Variants in PACSIN1 observed in about 807,000 individuals in gnomAD.
The protein encoded by PACSIN1 is protein kinase C and casein kinase substrate in neurons protein 1.
A neutral mutation model predicts 59.5 loss-of-function variants in PACSIN1; 15 were observed. The observed-to-expected ratio is 0.25, with a 90% CI of 0.17 to 0.39. The LOEUF is 0.39. Ranked by LOEUF, PACSIN1 falls within the 10% of genes least tolerant of loss-of-function variation. PACSIN1 has a pLI of 1.00. For synonymous variants in PACSIN1, 210 were observed against 220.6 expected (o/e 0.95, Z 0.42); for missense variants, 420 against 580.2 (o/e 0.72, Z 2.84).
intron 1 of PACSIN1, among the ~76,000 whole-genome samples, chr6:34,475,314 A>AT (rs1463510973): frequency 6.6e-6 from 1 of 151,894 alleles, no homozygotes; most frequent in Non-Finnish European, 1.5e-5. Flanking sequence ...ATTAAAAAAA[A>AT]AATTAAAAAA....
intron 1 of PACSIN1, among the ~76,000 whole-genome samples, chr6:34,506,861 T>C (rs1407468343): frequency 6.6e-6 from 1 of 152,172 alleles, no homozygotes; most frequent in Non-Finnish European, 1.5e-5. Flanking sequence ...ACCTTGTTAT[T>C]GCTGGGTGCA....
At position 34,534,561 on chromosome 6, in the gene PACSIN1, T is replaced by A. The variant is rs1279675612; in HGVS notation, c.*2031T>A. The A allele has an allele frequency of 1.3e-5, 2 of 152,792 alleles. No individual in the cohort carries two copies. The highest frequency in any genetic ancestry group is 3.9e-4 in the East Asian group (2 of 5,184). The allele number at this position is 152,792 out of a possible 1,614,324, so 9.5% of individuals were successfully genotyped here. On this transcript the variant is annotated 3_prime_UTR_variant, in exon 10 of 10. Transcript: ENST00000244458. ...CCTTGGAAAGGTGGGAAGCTGGCAATCTGCACCTTGGGGCCTGGGCTCCCC... is the reference window on the plus strand; with the variant it reads ...CCTTGGAAAGGTGGGAAGCTGGCAAACTGCACCTTGGGGCCTGGGCTCCCC...
At chr6:34,502,628 G>A (rs908122881) in intron 1 of PACSIN1, among the ~76,000 whole-genome samples, 17 of 151,650 alleles carry the variant, frequency 1.1e-4, no homozygotes, top group African/African-American at 3.2e-4. Flanking sequence ...ATGACACCCC[G>A]CTAATTTTTT....
chr6:34,519,712 GGGGGTAGGTGCTATCCCAT>G (rs913235057), intron 1 of PACSIN1, among the ~76,000 whole-genome samples: 7 of 152,078 alleles, frequency 4.6e-5, no homozygotes, highest in African/African-American at 7.2e-5. Context: ...GTGCTATCAT[GGGGGTAGGTGCTATCCCAT>G]GGGGTAGGTG....
At chr6:34,491,852 T>C (rs1581965328) in intron 1 of PACSIN1, among the ~76,000 whole-genome samples, 1 of 152,176 alleles carries the variant, frequency 6.6e-6, no homozygotes, top group African/African-American at 2.4e-5. Context: ...CCTCAGGTGA[T>C]CCACCCGCCT....
intron 1 of PACSIN1, among the ~76,000 whole-genome samples, chr6:34,512,477 A>C (rs1195953245): frequency 1.3e-5 from 2 of 152,052 alleles, no homozygotes; most frequent in Non-Finnish European, 2.9e-5. Flanking sequence ...GCACCTGGGA[A>C]CTCAATCCCT....
intron 1 of PACSIN1, among the ~76,000 whole-genome samples, chr6:34,493,756 CAG>C (rs35984561): frequency 0.38 from 58,132 of 151,884 alleles, 12,869 homozygotes; most frequent in Middle Eastern, 0.52. Flanking sequence ...CAAATCCTGG[CAG>C]ACACATTAGA....
At chr6:34,509,008 T>C (rs1216705447) in intron 1 of PACSIN1, among the ~76,000 whole-genome samples, 1 of 152,232 alleles carries the variant, frequency 6.6e-6, no homozygotes, top group East Asian at 1.9e-4. Context: ...TTAGGCTTTT[T>C]AGTTTGATAT....
At position 34,511,976 on chromosome 6, in the gene PACSIN1, C is replaced by T. The variant is rs376128837; in HGVS notation, c.-63-14267C>T. On this transcript the variant is annotated intron_variant, in intron 1 of 9. Coordinates refer to ENST00000244458, the MANE Select transcript of PACSIN1 (RefSeq NM_020804.5). ...GGCCAGACACCCTCCTCTGATCTCA[C>T]CTGTGGGACAGGAACATGGCTAAGG... 2.0e-5 allele frequency among the ~76,000 whole-genome samples: 3 copies of T among 152,160 alleles called. No individual in the cohort carries two copies. The South Asian group carries it at 6.2e-4, about 32-fold the overall frequency.
chr6:34,528,141 G>A (rs925333309), intron 3 of PACSIN1, among the ~76,000 whole-genome samples: 2 of 152,250 alleles, frequency 1.3e-5, no homozygotes, highest in Non-Finnish European at 2.9e-5. Context: ...GAGAGCAGGG[G>A]CTGGGCCTGC....
At chr6:34,480,791 A>T (rs1766706686) in intron 1 of PACSIN1, among the ~76,000 whole-genome samples, 1 of 152,232 alleles carries the variant, frequency 6.6e-6, no homozygotes, top group Non-Finnish European at 1.5e-5. Flanking sequence ...CTTCAATCTT[A>T]TAGATAATGT....
In PACSIN1 at chr6:34,534,018, A is replaced by G. The variant is rs1767650518; in HGVS notation, c.*1488A>G. 1 of 152,382 alleles carries G rather than the reference A, an allele frequency of 6.6e-6. No individual in the cohort carries two copies. The highest frequency in any genetic ancestry group is 1.5e-5 in the Non-Finnish European group (1 of 68,174). The allele number at this position is 152,382 out of a possible 1,614,324, so 9.4% of individuals were successfully genotyped here. A position where few individuals can be genotyped will look rare whatever the true frequency, so the allele number is the denominator to read the frequency against. ...GCAAGGAGCTGAGAAGTCCTGCAGCACCAGGTGAGACTTGCTTACAGTGGA... is the reference window on the plus strand; with the variant it reads ...GCAAGGAGCTGAGAAGTCCTGCAGCGCCAGGTGAGACTTGCTTACAGTGGA... On this transcript the variant is annotated 3_prime_UTR_variant, in exon 10 of 10. Coordinates refer to ENST00000244458, the MANE Select transcript of PACSIN1 (RefSeq NM_020804.5).
chr6:34,477,330 A>T (rs189579437), intron 1 of PACSIN1, among the ~76,000 whole-genome samples: 4 of 149,726 alleles, frequency 2.7e-5, no homozygotes, highest in African/African-American at 4.9e-5. Flanking sequence ...GTCTCTATTT[A>T]AAAAAAAAAG....
chr6:34,527,211 C>T, intron 2 of PACSIN1, 121 bp from the exon 3 acceptor site: 1 of 959,698 alleles, frequency 1.0e-6, no homozygotes, highest in South Asian at 2.3e-5. Flanking sequence ...GGGGCGGGGA[C>T]GGCGAGGCCG....
In PACSIN1 at chr6:34,526,270, C is replaced by A; in HGVS notation, c.-36C>A. 1.3e-6 allele frequency: 2 copies of A among 1,587,898 alleles called. No homozygotes were observed. Among genetic ancestry groups the A allele is most frequent in the African/African-American group, 2.7e-5 (2 of 74,590 alleles). On this transcript the variant is annotated 5_prime_UTR_variant, in exon 2 of 10. Coordinates refer to ENST00000244458, the MANE Select transcript of PACSIN1 (RefSeq NM_020804.5). ...CATGAGCAGCCGAGCCTGCTAACCG[C>A]AGCTCCGCACTTGTCCATCCCCCTG...
At chr6:34,468,115 C>G (rs151089449) in intron 1 of PACSIN1, among the ~76,000 whole-genome samples, 111 of 152,326 alleles carry the variant, frequency 7.3e-4, no homozygotes, top group African/African-American at 2.6e-3. Context: ...ATCAGGGAAG[C>G]TGGGAAGGCC....
Position 34,515,344 on chromosome 6 carries a change from T to A in PACSIN1, c.-63-10899T>A, listed in dbSNP as rs926420044. ...ACCACTGCCACAGGTCCTGACTTTG[T>A]AGCCATGCCCCCTCCTTGGGGCAGC... On this transcript the variant is annotated intron_variant, in intron 1 of 9. Transcript: ENST00000244458. This position sits in a 1 kb window ranked among gnomAD's most constrained non-coding sequence, Gnocchi z 4.4. Among the ~76,000 whole-genome samples, 1 of 152,062 alleles carries A rather than the reference T, an allele frequency of 6.6e-6. No homozygotes were observed. Among genetic ancestry groups the A allele is most frequent in the Non-Finnish European group, 1.5e-5 (1 of 67,976 alleles).
intron 1 of PACSIN1, among the ~76,000 whole-genome samples, chr6:34,504,573 G>A (rs1322191476): frequency 6.6e-6 from 1 of 152,112 alleles, no homozygotes; most frequent in Non-Finnish European, 1.5e-5. Flanking sequence ...TTGCAGGCGT[G>A]AGCCACACAA....
intron 1 of PACSIN1, among the ~76,000 whole-genome samples, chr6:34,492,816 G>A (rs1425540632): frequency 6.6e-6 from 1 of 152,266 alleles, no homozygotes; most frequent in Non-Finnish European, 1.5e-5. Flanking sequence ...ACTTCTAGAG[G>A]AGGGAAGGAG....
Sources: allele counts gnomAD v4.1 joint callset (sites outside exome capture counted in the v4.1 genomes callset), GRCh38; gene constraint gnomAD v4.1.1; non-coding constraint Gnocchi (gnomAD v3.1); transcripts MANE v1.5; gene names NCBI Gene and HGNC (gene_info 2026-07-23, HGNC 2026-07-21).